The following NNMT variants were observed in gnomAD, a reference collection of about 807,000 sequenced individuals.
The protein encoded by NNMT is nicotinamide N-methyltransferase.
Under a neutral mutation model 11.7 loss-of-function variants are expected in NNMT, and 10 were observed. The observed-to-expected ratio is 0.85, with a 90% CI of 0.53 to 1.45. The LOEUF (loss-of-function observed/expected upper bound fraction) is 1.45. Among genes scored for constraint, NNMT ranks in the 40% most tolerant of loss-of-function variants. NNMT has a pLI of 0.00. For synonymous variants in NNMT, 143 were observed against 133.8 expected (o/e 1.07, Z -0.48); for missense variants, 381 against 319.4 (o/e 1.19, Z -1.47).
In NNMT at chr11:114,296,647, C is replaced by G; in HGVS notation, c.91C>G (p.His31Asp). 1 of 1,614,134 alleles carries G rather than the reference C, an allele frequency of 6.2e-7. No homozygotes were observed. The highest frequency in any genetic ancestry group is 8.5e-7 in the Non-Finnish European group (1 of 1,180,002). ...AAAATATTACAAGTTTGGTTCTAGG[C>G]ACTCTGCAGAAAGCCAGATTCTTAA... The part of the protein sequence containing the change: ...LEKYYKFGSR[H>D]SAESQILKHL... The change falls in exon 1 of 3, where the codon CAC becomes GAC. Residue 31 changes from histidine to aspartate, a missense_variant. Transcript: ENST00000299964.
intron 2 of NNMT, chr11:114,298,451 C>T (rs1410257956): frequency 1.3e-5 from 5 of 373,550 alleles, no homozygotes; most frequent in African/African-American, 8.3e-5. Context: ...GGGACAAGAG[C>T]AGTGTGCAGT....
At position 114,299,765 on chromosome 11, in the gene NNMT, T is replaced by C. The variant is rs76732529; in HGVS notation, c.362+1607T>C. ...GTGGTACTTTTCAAGAAGTTTGTCCTTTTTATCTTGGTTGTCAACTTTATT... is the reference window on the plus strand; with the variant it reads ...GTGGTACTTTTCAAGAAGTTTGTCCCTTTTATCTTGGTTGTCAACTTTATT... On this transcript the variant is annotated intron_variant, in intron 2 of 2. Coordinates refer to ENST00000299964, the MANE Select transcript of NNMT (RefSeq NM_006169.3). 3.7e-3 allele frequency among the ~76,000 whole-genome samples: 560 copies of C among 151,576 alleles called. 4 individuals carry two copies. Among genetic ancestry groups the C allele is most frequent in the African/African-American group, 0.013 (544 of 41,462 alleles).
chr11:114,269,057 T>TA (rs1159281520), intron 2 of NNMT, among the ~76,000 whole-genome samples: 91 of 152,052 alleles, frequency 6.0e-4, no homozygotes, highest in African/African-American at 1.9e-3. Flanking sequence ...TTCACACATT[T>TA]TAAAAAAAAA....
intron 2 of NNMT, among the ~76,000 whole-genome samples, chr11:114,263,984 G>T (rs909679429): frequency 2.0e-5 from 3 of 152,086 alleles, no homozygotes; most frequent in Non-Finnish European, 4.4e-5. Flanking sequence ...CCACTGACAA[G>T]CCTGATAAAG....
chr11:114,277,968 T>C (rs1351645173), intron 2 of NNMT, among the ~76,000 whole-genome samples: 1 of 152,234 alleles, frequency 6.6e-6, no homozygotes, highest in Non-Finnish European at 1.5e-5. Context: ...CCGTTAGTTC[T>C]GACATCGGTA....
intron 2 of NNMT, among the ~76,000 whole-genome samples, chr11:114,280,668 G>A (rs535883322): frequency 4.6e-5 from 7 of 152,286 alleles, no homozygotes; most frequent in African/African-American, 1.7e-4. Context: ...CTGAATGTGT[G>A]TCTCTGCGAT....
chr11:114,260,316 T>G (rs1945067973), intron 1 of NNMT, among the ~76,000 whole-genome samples: 1 of 152,196 alleles, frequency 6.6e-6, no homozygotes, highest in Non-Finnish European at 1.5e-5. Flanking sequence ...TCCCATAACT[T>G]CTACCCCTTG....
chr11:114,278,948 G>C (rs1945237176), intron 2 of NNMT, among the ~76,000 whole-genome samples: 1 of 152,206 alleles, frequency 6.6e-6, no homozygotes, highest in African/African-American at 2.4e-5. Flanking sequence ...TTCCAGGGCA[G>C]GTGCCCTACG....
chr11:114,292,846 A>G (rs1225982405), upstream of NNMT, among the ~76,000 whole-genome samples: 1 of 152,174 alleles, frequency 6.6e-6, no homozygotes, highest in East Asian at 1.9e-4. Flanking sequence ...CATATATGCT[A>G]TATCACCACT....
chr11:114,291,314 C>T (rs908332577), intron 2 of NNMT, among the ~76,000 whole-genome samples: 1 of 152,156 alleles, frequency 6.6e-6, no homozygotes, highest in Non-Finnish European at 1.5e-5. Context: ...CTTTCTCCCT[C>T]TGCTACATTT....
chr11:114,259,405 C>G (rs1945057466), intron 1 of NNMT, among the ~76,000 whole-genome samples: 1 of 152,074 alleles, frequency 6.6e-6, no homozygotes. Context: ...CATAGACCAC[C>G]TGACCCGTGT....
intron 2 of NNMT, among the ~76,000 whole-genome samples, chr11:114,308,680 G>A (rs1447089966): frequency 1.3e-5 from 2 of 152,074 alleles, no homozygotes; most frequent in South Asian, 2.1e-4. Context: ...GCACTTTCCC[G>A]GTGTGTGTTT....
chr11:114,269,339 T>C (rs1367214990), intron 2 of NNMT: 1 of 152,178 alleles, frequency 6.6e-6, no homozygotes, highest in Non-Finnish European at 1.5e-5. Context: ...CACCAAGACG[T>C]CTCAGCACAC....
chr11:114,276,885 T>C (rs1489793286), intron 2 of NNMT, among the ~76,000 whole-genome samples: 1 of 152,230 alleles, frequency 6.6e-6, no homozygotes, highest in African/African-American at 2.4e-5. Flanking sequence ...CTGTGACCTT[T>C]GGTGGGTCAC....
intron 2 of NNMT, among the ~76,000 whole-genome samples, chr11:114,303,582 G>A (rs370178128): frequency 6.6e-6 from 1 of 152,240 alleles, no homozygotes; most frequent in East Asian, 1.9e-4. Flanking sequence ...ATTTCAAGAG[G>A]AACATACAGT....
intron 2 of NNMT, among the ~76,000 whole-genome samples, chr11:114,308,580 CT>C (rs1447225567): frequency 2.0e-5 from 3 of 152,060 alleles, no homozygotes; most frequent in African/African-American, 7.2e-5. Context: ...ACAGGGCTAC[CT>C]TTTTTTGCAT....
chr11:114,269,650 C>T (rs1460586171), intron 2 of NNMT, among the ~76,000 whole-genome samples: 1 of 152,122 alleles, frequency 6.6e-6, no homozygotes, highest in Non-Finnish European at 1.5e-5. Context: ...AGCTACTGCC[C>T]TGTCTTTCTT....
chr11:114,260,564 G>T (rs538075), intron 1 of NNMT, among the ~76,000 whole-genome samples: 1 of 151,888 alleles, frequency 6.6e-6, no homozygotes, highest in Non-Finnish European at 1.5e-5. Context: ...TCCGGGCTCC[G>T]GTGTGGTCAA....
chr11:114,301,753 G>A (rs756168870), intron 2 of NNMT, among the ~76,000 whole-genome samples: 15 of 151,886 alleles, frequency 9.9e-5, no homozygotes, highest in South Asian at 8.3e-4. Context: ...GAATCTTAAC[G>A]TAGATTACAG....
Sources: gnomAD v4.1 joint callset for allele counts (sites outside exome capture counted in the v4.1 genomes callset) on GRCh38, gnomAD v4.1.1 for gene constraint, MANE v1.5 for transcripts, NCBI Gene and HGNC (gene_info 2026-07-23, HGNC 2026-07-21) for gene names.